The following NSD2 variants were observed in gnomAD, a reference collection of about 807,000 sequenced individuals.
NSD2 encodes histone-lysine N-methyltransferase NSD2.
In NSD2, 12 loss-of-function variants were observed where a neutral mutation model predicts 139.0. That is an observed-to-expected ratio of 0.09 (90% CI 0.06 to 0.14). The LOEUF is 0.14. Among genes scored for constraint, NSD2 ranks in the 10% least tolerant of loss-of-function variants. The pLI is 1.00. For synonymous variants in NSD2, 669 were observed against 648.7 expected, an observed-to-expected ratio of 1.03 and a Z score of -0.48; for missense variants, 1,155 against 1,745.0, an observed-to-expected ratio of 0.66 and a Z score of 6.02.
intron 1 of NSD2, among the ~76,000 whole-genome samples, chr4:1,886,878 TC>T (rs1461805784): frequency 2.0e-5 from 3 of 152,132 alleles, no homozygotes; most frequent in African/African-American, 7.2e-5. Flanking sequence ...TTTTAGAACT[TC>T]CAGATTGATA....
Position 1,939,982 on chromosome 4 carries a change from T to C in NSD2, c.1881+204T>C. On this transcript the variant is annotated intron_variant, in intron 9 of 21. Transcript: ENST00000508803. The stretch of plus-strand genomic sequence containing the variant: ...TGTTAGTTTATTTGAGCACTTTTTA[T>C]ACACACGCACACAGTGTCTGTGTAC... The C allele has an allele frequency of 2.1e-6, 3 of 1,430,628 alleles. No individual in the cohort carries two copies. The South Asian group carries it at 4.5e-5, about 21-fold the overall frequency. 88.6% of individuals were successfully genotyped at this position (1,430,628 alleles called of 1,614,324 possible). A position where few individuals can be genotyped will look rare whatever the true frequency, so the allele number is the denominator to read the frequency against.
At chr4:1,964,638 G>A (rs752145888) in intron 18 of NSD2, among the ~76,000 whole-genome samples, 1 of 151,942 alleles carries the variant, frequency 6.6e-6, no homozygotes, top group South Asian at 2.1e-4. Context: ...CTGCGCTGCC[G>A]TTGTTATCAC....
intron 1 of NSD2, among the ~76,000 whole-genome samples, chr4:1,889,823 A>G (rs1425925960): frequency 2.0e-5 from 3 of 150,276 alleles, no homozygotes; most frequent in East Asian, 3.9e-4. Flanking sequence ...TTTTTTTTTT[A>G]ATTGAGATAA....
Position 1,957,935 on chromosome 4 carries a change from C to T in NSD2, c.2884C>T (p.Leu962=), listed in dbSNP as rs1725000178. 9.9e-6 allele frequency: 16 copies of T among 1,614,040 alleles called. No homozygotes were observed. Among genetic ancestry groups the T allele is most frequent in the Non-Finnish European group, 1.4e-5 (16 of 1,179,950 alleles). Reference sequence around the variant, plus strand: ...CTCCTATTTCATTGACTTTTTAGCACTGCAAGAAGCTGAAGCTCGTTTTCG... The same window carrying T: ...CTCCTATTTCATTGACTTTTTAGCATTGCAAGAAGCTGAAGCTCGTTTTCG... ...RGIGRVFKNA[L]QEAEARFREI... The change falls in exon 16 of 22, where the codon CTG becomes TTG. Residue 962 remains leucine, a splice_region_variant and synonymous_variant. Transcript: ENST00000508803.
Position 1,927,159 on chromosome 4 carries a change from G to A in NSD2, c.1411-3467G>A, listed in dbSNP as rs184027526. 3.3e-5 allele frequency among the ~76,000 whole-genome samples: 5 copies of A among 152,314 alleles called. No homozygotes were observed. In the East Asian group the frequency reaches 9.6e-4, roughly 29 times the overall value. On this transcript the variant is annotated intron_variant, in intron 5 of 21. Coordinates refer to ENST00000508803, the MANE Select transcript of NSD2 (RefSeq NM_001042424.3). The stretch of plus-strand genomic sequence containing the variant: ...TTCACCATGTGGCCCTCTCCACAGG[G>A]CTGCTGGTGTGTCCTCACAACATGA...
At chr4:1,945,539 TAAG>T in intron 9 of NSD2, 12 of 1,064,792 alleles carry the variant, frequency 1.1e-5, no homozygotes, top group Non-Finnish European at 1.3e-5. Flanking sequence ...ATTAAGATGA[TAAG>T]AAAGTGCTCC....
In NSD2 at chr4:1,980,278, T is replaced by G; in HGVS notation, c.*1369T>G. The G allele has an allele frequency of 4.3e-6, 1 of 233,262 alleles. No homozygotes were observed. Among genetic ancestry groups the G allele is most frequent in the East Asian group, 6.0e-5 (1 of 16,584 alleles). 14.4% of individuals were successfully genotyped at this position (233,262 alleles called of 1,614,324 possible). The stretch of plus-strand genomic sequence containing the variant: ...TATGTTTTAAGACTTGGTTCTTTTT[T>G]TGAGGGATCCTTGACCCTGGGAAGT... On this transcript the variant is annotated 3_prime_UTR_variant, in exon 22 of 22. Coordinates refer to ENST00000508803, the MANE Select transcript of NSD2 (RefSeq NM_001042424.3).
intron 2 of NSD2, among the ~76,000 whole-genome samples, chr4:1,903,969 C>T (rs1320090663): frequency 6.6e-6 from 1 of 152,136 alleles, no homozygotes; most frequent in Non-Finnish European, 1.5e-5. Flanking sequence ...CTCCTGAACT[C>T]GTGATCCGCC....
intron 9 of NSD2, chr4:1,943,833 T>C: frequency 9.4e-7 from 1 of 1,062,590 alleles, no homozygotes; most frequent in Non-Finnish European, 1.1e-6. Flanking sequence ...TTGAAAGGCT[T>C]TTGGTGAAAA....
chr4:1,925,653 C>T (rs1027325976), intron 5 of NSD2, among the ~76,000 whole-genome samples: 2 of 151,708 alleles, frequency 1.3e-5, no homozygotes, highest in African/African-American at 4.8e-5. Context: ...CCCGCCTTGG[C>T]CTCCCAAAGT....
intron 12 of NSD2, among the ~76,000 whole-genome samples, chr4:1,953,917 C>A (rs1233135468): frequency 1.3e-5 from 2 of 151,628 alleles, no homozygotes; most frequent in Non-Finnish European, 2.9e-5. Flanking sequence ...CTCAAGCTGT[C>A]CTCCTGCCTC....
In NSD2 at chr4:1,974,511, G is replaced by T. The variant is rs532363229; in HGVS notation, c.3373-352G>T. 3 of 399,220 alleles carry T rather than the reference G, an allele frequency of 7.5e-6. No homozygotes were observed. Among genetic ancestry groups the T allele is most frequent in the South Asian group, 6.7e-5 (3 of 44,624 alleles). The allele number at this position is 399,220 out of a possible 1,614,324, so 24.7% of individuals were successfully genotyped here. On this transcript the variant is annotated intron_variant, in intron 18 of 21. Coordinates refer to ENST00000508803, the MANE Select transcript of NSD2 (RefSeq NM_001042424.3). This position sits in a 1 kb window ranked among gnomAD's most constrained non-coding sequence, Gnocchi z 4.0. ...TTACAGGCGTGAGCCACTGCGCCCA[G>T]CCAGGGTGAGTCTTGTTCTTGTCCT...
chr4:1,978,897 A>G lies in NSD2; in HGVS notation c.4086A>G (p.Thr1362=), dbSNP rs1577596148. 1 of 1,557,526 alleles carries G rather than the reference A, an allele frequency of 6.4e-7. No individual in the cohort carries two copies. Among genetic ancestry groups the G allele is most frequent in the Non-Finnish European group, 8.7e-7 (1 of 1,149,616 alleles). ...RRRRRGWRRV[T]EGK is the part of the protein sequence containing the mutation. ...GGCGGAGGGGCTGGCGGAGAGTCAC[A>G]GAGGGCAAATAGCGCCAGGCGGCCG... The change falls in exon 22 of 22, where the codon ACA becomes ACG. Residue 1362 remains threonine, a synonymous_variant. Coordinates refer to ENST00000508803, the MANE Select transcript of NSD2 (RefSeq NM_001042424.3).
chr4:1,911,417 G>C (rs1007580960), intron 3 of NSD2, among the ~76,000 whole-genome samples: 1 of 151,728 alleles, frequency 6.6e-6, no homozygotes, highest in African/African-American at 2.4e-5. Flanking sequence ...ATGAAACCCT[G>C]TTTCTGCTAA....
intron 4 of NSD2, 100 bp from the exon 5 acceptor site, chr4:1,918,041 T>C: frequency 7.0e-7 from 1 of 1,420,954 alleles, no homozygotes; most frequent in Non-Finnish European, 9.4e-7. Flanking sequence ...TTGACACCCA[T>C]AAGTGCTGGA....
chr4:1,946,989 A>G, intron 9 of NSD2: 1 of 1,062,898 alleles, frequency 9.4e-7, no homozygotes, highest in South Asian at 4.6e-5. Context: ...CCATCCAGGC[A>G]TATAGTATTT....
At chr4:1,881,214 A>T (rs1714669675) in intron 1 of NSD2, among the ~76,000 whole-genome samples, 1 of 152,106 alleles carries the variant, frequency 6.6e-6, no homozygotes, top group African/African-American at 2.4e-5. Context: ...CGTAGCTGGG[A>T]CACAGGCGTG....
chr4:1,941,059 C>A (rs1221590901), intron 9 of NSD2: 1 of 1,056,096 alleles, frequency 9.5e-7, no homozygotes, highest in Non-Finnish European at 1.1e-6. Flanking sequence ...GGAGAAAAGG[C>A]AGTAAGAATT....
At chr4:1,969,130 C>G (rs550472006) in intron 18 of NSD2, among the ~76,000 whole-genome samples, 1 of 152,164 alleles carries the variant, frequency 6.6e-6, no homozygotes, top group South Asian at 2.1e-4. Flanking sequence ...CTGCCCCCAG[C>G]GGCGCTGAGA....
Sources: gnomAD v4.1 joint callset for allele counts (sites outside exome capture counted in the v4.1 genomes callset) on GRCh38, gnomAD v4.1.1 for gene constraint, Gnocchi (gnomAD v3.1) non-coding constraint, MANE v1.5 for transcripts, NCBI Gene and HGNC (gene_info 2026-07-23, HGNC 2026-07-21) for gene names.